The following KIAA0513 variants were observed in gnomAD, a reference collection of about 807,000 sequenced individuals.
KIAA0513 encodes uncharacterized protein KIAA0513.
Under a neutral mutation model 56.5 loss-of-function variants are expected in KIAA0513, and 39 were observed. That is an observed-to-expected ratio of 0.69 (90% CI 0.53 to 0.90). The LOEUF is 0.90. Ranked by LOEUF, KIAA0513 falls within the 40% of genes least tolerant of loss-of-function variation. The pLI is 0.00. For missense variants in KIAA0513, 591 were observed against 535.2 expected, an observed-to-expected ratio of 1.10 and a Z score of -1.03; for synonymous variants, 268 against 215.6, an observed-to-expected ratio of 1.24 and a Z score of -2.13.
intron 2 of KIAA0513, among the ~76,000 whole-genome samples, chr16:85,070,571 G>C (rs576771403): frequency 6.6e-6 from 1 of 152,096 alleles, no homozygotes; most frequent in East Asian, 1.9e-4. Context: ...CCTGCTACTC[G>C]GGAGGCTGAG....
In KIAA0513 at chr16:85,086,849, T is replaced by C. The variant is rs1435710324; in HGVS notation, c.1091+125T>C. On this transcript the variant is annotated intron_variant, in intron 11 of 12. Transcript: ENST00000683363. ...CTCTGAGGCATGGGGTTCATCACAC[T>C]TGGCCTCCATGCCAGCTCATAATTA... The C allele has an allele frequency of 3.2e-6, 3 of 937,530 alleles. No homozygotes were observed. In the African/African-American group the frequency reaches 4.9e-5, roughly 15 times the overall value. The allele number at this position is 937,530 out of a possible 1,614,324, so 58.1% of individuals were successfully genotyped here.
At chr16:85,031,950 C>G (rs960683318) in intron 1 of KIAA0513, among the ~76,000 whole-genome samples, 2 of 152,178 alleles carry the variant, frequency 1.3e-5, no homozygotes, top group South Asian at 2.1e-4. Context: ...AGAATTCAGG[C>G]ACTAGACAGA....
intron 1 of KIAA0513, among the ~76,000 whole-genome samples, chr16:85,048,505 TTCTC>T (rs2073202502): frequency 6.6e-6 from 1 of 150,814 alleles, no homozygotes; most frequent in African/African-American, 2.5e-5. Flanking sequence ...CTCTCTCTCT[TTCTC>T]TCACTCTCAC....
At chr16:85,072,248 G>A (rs1311332248) in intron 3 of KIAA0513, among the ~76,000 whole-genome samples, 8 of 152,068 alleles carry the variant, frequency 5.3e-5, no homozygotes, top group East Asian at 1.9e-4. Flanking sequence ...TTTGGATGTC[G>A]CACTTCAAGG....
At chr16:85,038,348 A>G (rs1017763312) in intron 1 of KIAA0513, among the ~76,000 whole-genome samples, 3 of 152,190 alleles carry the variant, frequency 2.0e-5, no homozygotes, top group African/African-American at 7.2e-5. Flanking sequence ...TGCAAGACGC[A>G]CCACGTGTAT....
At chr16:85,028,227 A>T (rs2072915736) in intron 1 of KIAA0513, among the ~76,000 whole-genome samples, 3 of 152,012 alleles carry the variant, frequency 2.0e-5, no homozygotes, top group African/African-American at 4.8e-5. Flanking sequence ...TGGCTTTGGG[A>T]TGGAGCTGGT....
At chr16:85,087,508 A>T (rs1213490011) in intron 12 of KIAA0513, among the ~76,000 whole-genome samples, 1 of 152,190 alleles carries the variant, frequency 6.6e-6, no homozygotes, top group Admixed American at 6.5e-5. Context: ...CCCCCTTCTA[A>T]ATGGCTGTCA....
At chr16:85,031,744 C>A (rs886852062) in intron 1 of KIAA0513, among the ~76,000 whole-genome samples, 5 of 152,206 alleles carry the variant, frequency 3.3e-5, no homozygotes, top group African/African-American at 1.2e-4. Flanking sequence ...GTCACTGCTG[C>A]AATATCACAT....
At chr16:85,035,803 C>G (rs962345254) in intron 1 of KIAA0513, among the ~76,000 whole-genome samples, 2 of 152,090 alleles carry the variant, frequency 1.3e-5, no homozygotes, top group South Asian at 4.2e-4. Flanking sequence ...ACAGTGAAAC[C>G]CCGTCTCTAC....
intron 1 of KIAA0513, among the ~76,000 whole-genome samples, chr16:85,053,767 G>A (rs1165175019): frequency 3.3e-5 from 5 of 152,038 alleles, no homozygotes; most frequent in African/African-American, 1.2e-4. Flanking sequence ...CTGAGGAGGC[G>A]CGGATCACAA....
intron 1 of KIAA0513, among the ~76,000 whole-genome samples, chr16:85,059,971 T>G (rs940452745): frequency 6.6e-6 from 1 of 152,254 alleles, no homozygotes; most frequent in Non-Finnish European, 1.5e-5. Context: ...TTGTGTGTTT[T>G]GTTTTTTGAG....
In KIAA0513 at chr16:85,071,755, T is replaced by C. The variant is rs761458717; in HGVS notation, c.330-28T>C. 3.3e-6 allele frequency: 5 copies of C among 1,514,024 alleles called. No homozygotes were observed. In the South Asian group the frequency reaches 3.6e-5, roughly 11 times the overall value. The allele number at this position is 1,514,024 out of a possible 1,614,324, so 93.8% of individuals were successfully genotyped here. The stretch of plus-strand genomic sequence containing the variant: ...GGATTGAAAAGGGTTTTTTTTTTTT[T>C]TCCTCTGCTCTTTTTTTTTTTTTTT... On this transcript the variant is annotated intron_variant, in intron 2 of 12. Transcript: ENST00000683363.
chr16:85,052,267 C>T (rs1000198082), intron 1 of KIAA0513, among the ~76,000 whole-genome samples: 1 of 152,094 alleles, frequency 6.6e-6, no homozygotes, highest in African/African-American at 2.4e-5. Flanking sequence ...TTGCAGTGAG[C>T]TGAGATCACG....
In KIAA0513 at chr16:85,081,361, T is replaced by C; in HGVS notation, c.949T>C (p.Cys317Arg). The change falls in exon 9 of 13, where the codon TGT (cysteine) becomes CGT (arginine). Residue 317 changes from cysteine to arginine, a missense_variant. By Grantham distance (180) the Cys-to-Arg change is radical (BLOSUM62 -3). Coordinates refer to ENST00000683363, the MANE Select transcript of KIAA0513 (RefSeq NM_001388359.1). This position sits in a 1 kb window ranked among gnomAD's most constrained non-coding sequence, Gnocchi z 4.4. ...WNAAFFDAVH[C>R]ERTKRSPTTR... ...TGCAGCCTTTTTTGACGCTGTCCAT[T>C]GTGAGAGGACAAAGCGATCTCCCAC... is the stretch of plus-strand genomic sequence containing the variant. 1.3e-6 allele frequency: 2 copies of C among 1,591,250 alleles called. No individual in the cohort carries two copies. The highest frequency in any genetic ancestry group is 1.7e-6 in the Non-Finnish European group (2 of 1,168,668).
intron 1 of KIAA0513, among the ~76,000 whole-genome samples, chr16:85,065,536 T>TA (rs1376985366): frequency 1.3e-5 from 2 of 152,164 alleles, no homozygotes; most frequent in African/African-American, 2.4e-5. Flanking sequence ...TCAGGGTATT[T>TA]AAAAATATCC....
chr16:85,079,205 A>C, intron 8 of KIAA0513: 1 of 1,111,324 alleles, frequency 9.0e-7, no homozygotes, highest in Non-Finnish European at 1.2e-6. Context: ...GGCTAGGAGC[A>C]ATGTAAATGA....
rs190212119 is a variant in KIAA0513, at chr16:85,044,857, A to G, written c.-173+16999A>G. 6.9e-3 allele frequency among the ~76,000 whole-genome samples: 1,038 copies of G among 151,064 alleles called. 15 individuals carry two copies. The highest frequency in any genetic ancestry group is 0.024 in the African/African-American group (995 of 41,316). Reference sequence around the variant, plus strand: ...CATTTGGCCGGGTGTGGTGGCTCACACCTGTAATCCCAGCACTTTGGGAGG... The same window carrying G: ...CATTTGGCCGGGTGTGGTGGCTCACGCCTGTAATCCCAGCACTTTGGGAGG... On this transcript the variant is annotated intron_variant, in intron 1 of 12. Transcript: ENST00000683363.
intron 1 of KIAA0513, among the ~76,000 whole-genome samples, chr16:85,042,754 C>T (rs1343696043): frequency 6.6e-6 from 1 of 152,162 alleles, no homozygotes; most frequent in Admixed American, 6.5e-5. Context: ...CAGCATGGCT[C>T]CCTCTCAGCA....
intron 4 of KIAA0513, among the ~76,000 whole-genome samples, chr16:85,074,488 T>C (rs949535321): frequency 6.6e-6 from 1 of 152,164 alleles, no homozygotes; most frequent in African/African-American, 2.4e-5. Context: ...CAGCCTGCTC[T>C]CTTGAGTCCC....
Sources: gnomAD v4.1 joint callset for allele counts (sites outside exome capture counted in the v4.1 genomes callset) on GRCh38, gnomAD v4.1.1 for gene constraint, Gnocchi (gnomAD v3.1) non-coding constraint, MANE v1.5 for transcripts, NCBI Gene and HGNC (gene_info 2026-07-23, HGNC 2026-07-21) for gene names.